The following JAM3 variants were observed in gnomAD, a reference collection of about 807,000 sequenced individuals.
JAM3 encodes the protein junctional adhesion molecule C.
Under a neutral mutation model 39.4 loss-of-function variants are expected in JAM3, and 31 were observed. That is an observed-to-expected ratio of 0.79 (90% CI 0.59 to 1.06). The LOEUF is 1.06. Ranked by LOEUF, JAM3 falls within the 50% of genes least tolerant of loss-of-function variation. The pLI is 0.00. For synonymous variants in JAM3, 182 were observed against 148.7 expected (o/e 1.22, Z -1.63); for missense variants, 455 against 391.4 (o/e 1.16, Z -1.37).
intron 1 of JAM3, among the ~76,000 whole-genome samples, chr11:134,121,202 C>A (rs1373155316): frequency 6.6e-6 from 1 of 152,150 alleles, no homozygotes; most frequent in East Asian, 1.9e-4. Flanking sequence ...TTTAAACAAG[C>A]GAAGTGATTG....
rs1338224966 is a variant in JAM3, at chr11:134,069,112, G to C, written c.29G>C (p.Arg10Pro). 17 of 1,612,272 alleles carry C rather than the reference G, an allele frequency of 1.1e-5. No individual in the cohort carries two copies. Among genetic ancestry groups the C allele is most frequent in the Non-Finnish European group, 1.3e-5 (15 of 1,179,314 alleles). Reference protein sequence around the residue: MALRRPPRLRLCARLPDFFL... With the variant: MALRRPPRLPLCARLPDFFL... ...GCGCTGAGGCGGCCACCGCGACTCC[G>C]GCTCTGCGCTCGGCTGCCTGACTTC... Residue 10 changes from arginine (R) to proline (P), a missense_variant, in exon 1 of 9, where the codon CGG becomes CCG. By Grantham distance (103) the Arg-to-Pro change is moderately radical. Coordinates refer to ENST00000299106, the MANE Select transcript of JAM3 (RefSeq NM_032801.5).
At position 134,149,239 on chromosome 11, in the gene JAM3, C is replaced by A. The variant is rs1197658786; in HGVS notation, c.*58C>A. The A allele has an allele frequency of 6.2e-7, 1 of 1,607,412 alleles. No individual in the cohort carries two copies. The highest frequency in any genetic ancestry group is 8.5e-7 in the Non-Finnish European group (1 of 1,174,344). ...CACGTGCACATACCTCTGCTAGAAA[C>A]TCCTGTCAAGGCAGCGAGAGCTGAT... On this transcript the variant is annotated 3_prime_UTR_variant, in exon 9 of 9. Transcript: ENST00000299106.
intron 1 of JAM3, among the ~76,000 whole-genome samples, chr11:134,107,094 A>G (rs1422396765): frequency 1.3e-5 from 2 of 152,242 alleles, no homozygotes; most frequent in South Asian, 2.1e-4. Flanking sequence ...AATGTCCATC[A>G]ATGATAGACT....
chr11:134,115,384 C>T (rs1047858512), intron 1 of JAM3, among the ~76,000 whole-genome samples: 2 of 151,882 alleles, frequency 1.3e-5, no homozygotes. Context: ...AGGTTTAAGT[C>T]TTTTCTCTTG....
Position 134,140,638 on chromosome 11 carries a change from T to C in JAM3, c.143-19T>C, listed in dbSNP as rs1028384132. The stretch of plus-strand genomic sequence containing the variant: ...CACTCCACATTCACCGAGAGCTCTT[T>C]TTCTTCTTTGCGTGTTAGGTGTGGA... On this transcript the variant is annotated intron_variant, in intron 2 of 8. Coordinates refer to ENST00000299106, the MANE Select transcript of JAM3 (RefSeq NM_032801.5). 6.2e-7 allele frequency: 1 copy of C among 1,604,488 alleles called. No homozygotes were observed. The highest frequency in any genetic ancestry group is 8.5e-7 in the Non-Finnish European group (1 of 1,171,482).
rs986123152 is a variant in JAM3 at position 134,125,353 on chromosome 11, T to C, written c.77-14498T>C. On this transcript the variant is annotated intron_variant, in intron 1 of 8. Coordinates refer to ENST00000299106, the MANE Select transcript of JAM3 (RefSeq NM_032801.5). ...GCTTCCCTTGCAGACTCATCCAAGATAGGGTTTTACTCAAACAATGGGATC... is the reference window on the plus strand; with the variant it reads ...GCTTCCCTTGCAGACTCATCCAAGACAGGGTTTTACTCAAACAATGGGATC... Among the ~76,000 whole-genome samples the C allele has an allele frequency of 3.3e-5, 5 of 152,204 alleles. No individual in the cohort carries two copies. The East Asian group carries it at 9.6e-4, about 29-fold the overall frequency.
chr11:134,146,441 A>T (rs1450387038), intron 6 of JAM3, among the ~76,000 whole-genome samples: 1 of 152,160 alleles, frequency 6.6e-6, no homozygotes, highest in African/African-American at 2.4e-5. Flanking sequence ...TTACCTGCAG[A>T]CAAAGCTTAG....
intron 7 of JAM3, 31 bp from the exon 8 acceptor site, chr11:134,148,733 C>G (rs1565507855): frequency 1.9e-6 from 3 of 1,614,028 alleles, no homozygotes; most frequent in East Asian, 2.2e-5. Context: ...TATAACAACC[C>G]TGTTGCTAAA....
intron 1 of JAM3, among the ~76,000 whole-genome samples, chr11:134,134,319 C>G (rs1387048891): frequency 7.1e-6 from 1 of 140,080 alleles, no homozygotes; most frequent in Admixed American, 7.8e-5. Context: ...GCAATTATGA[C>G]TGAGAATTTC....
chr11:134,125,482 T>G (rs184804492), intron 1 of JAM3, among the ~76,000 whole-genome samples: 1 of 152,322 alleles, frequency 6.6e-6, no homozygotes, highest in African/African-American at 2.4e-5. Flanking sequence ...ATTTTAATAT[T>G]GTATTTCTTC....
chr11:134,100,347 T>A (rs1464715098), intron 1 of JAM3, among the ~76,000 whole-genome samples: 1 of 152,216 alleles, frequency 6.6e-6, no homozygotes, highest in Non-Finnish European at 1.5e-5. Flanking sequence ...AGAGCCTTTC[T>A]TGCTGAGGAG....
intron 1 of JAM3, among the ~76,000 whole-genome samples, chr11:134,088,374 T>A (rs1410867251): frequency 6.6e-6 from 1 of 151,658 alleles, no homozygotes; most frequent in Non-Finnish European, 1.5e-5. Context: ...CTTAAATGCT[T>A]ACGAAATGCT....
chr11:134,121,473 C>T (rs1478917666), intron 1 of JAM3, among the ~76,000 whole-genome samples: 2 of 151,690 alleles, frequency 1.3e-5, no homozygotes, highest in African/African-American at 2.4e-5. Flanking sequence ...TGCCAGCTCC[C>T]TCCTTTTTTT....
intron 1 of JAM3, among the ~76,000 whole-genome samples, chr11:134,101,974 A>G (rs895168989): frequency 6.6e-6 from 1 of 152,142 alleles, no homozygotes; most frequent in East Asian, 1.9e-4. Context: ...GAATTGCTTG[A>G]GCACAGGAGT....
Position 134,087,335 on chromosome 11 carries a change from A to G in JAM3, c.76+18176A>G, listed in dbSNP as rs551138980. 8.5e-5 allele frequency among the ~76,000 whole-genome samples: 13 copies of G among 152,306 alleles called. No homozygotes were observed. The South Asian group carries it at 1.0e-3, about 12-fold the overall frequency. On this transcript the variant is annotated intron_variant, in intron 1 of 8. Transcript: ENST00000299106. ...TCTGTTTAAGAATCAGAGAGTATATATTTTTCAAGAAATGCTGAAAGAAAC... is the reference window on the plus strand; with the variant it reads ...TCTGTTTAAGAATCAGAGAGTATATGTTTTTCAAGAAATGCTGAAAGAAAC...
At chr11:134,105,795 T>C (rs549044225) in intron 1 of JAM3, among the ~76,000 whole-genome samples, 7 of 152,276 alleles carry the variant, frequency 4.6e-5, no homozygotes, top group Admixed American at 2.6e-4. Flanking sequence ...TTACAAGGGA[T>C]GTGAAGGACC....
intron 1 of JAM3, 92 bp from the exon 2 acceptor site, chr11:134,139,759 G>A: frequency 2.1e-6 from 2 of 940,772 alleles, no homozygotes; most frequent in Non-Finnish European, 3.5e-6. Context: ...AGTAACCATA[G>A]CCTACGCAGA....
At chr11:134,134,537 A>G (rs1323440932) in intron 1 of JAM3, among the ~76,000 whole-genome samples, 1 of 152,160 alleles carries the variant, frequency 6.6e-6, no homozygotes, top group African/African-American at 2.4e-5. Flanking sequence ...TACATCGTAC[A>G]GTATTTGGAT....
chr11:134,070,836 A>C (rs1941473875), intron 1 of JAM3, among the ~76,000 whole-genome samples: 1 of 152,234 alleles, frequency 6.6e-6, no homozygotes, highest in Non-Finnish European at 1.5e-5. Context: ...CCTTCCCCTA[A>C]GGGACTAGTT....
Sources: gnomAD v4.1 joint callset for allele counts (sites outside exome capture counted in the v4.1 genomes callset) on GRCh38, gnomAD v4.1.1 for gene constraint, MANE v1.5 for transcripts, NCBI Gene and HGNC (gene_info 2026-07-23, HGNC 2026-07-21) for gene names.